Variants in DIP2C observed in about 807,000 individuals in gnomAD.
DIP2C encodes the protein disco-interacting protein 2 homolog C.
Under a neutral mutation model 192.4 loss-of-function variants are expected in DIP2C, and 33 were observed. The observed-to-expected ratio is 0.17, with a 90% confidence interval of 0.13 to 0.23. DIP2C has a LOEUF of 0.23. Ranked by LOEUF, DIP2C falls within the 10% of genes least tolerant of loss-of-function variation. The pLI is 1.00. For synonymous variants in DIP2C, 979 were observed against 864.1 expected, an observed-to-expected ratio of 1.13 and a Z score of -2.33; for missense variants, 1,537 against 2,110.1, an observed-to-expected ratio of 0.73 and a Z score of 5.32.
At position 399,222 on chromosome 10, in the gene DIP2C, G is replaced by T; in HGVS notation, c.1150-3C>A. On this transcript the variant is annotated splice_region_variant and splice_polypyrimidine_tract_variant and intron_variant, in intron 9 of 36. Transcript: ENST00000280886. ...TTGTTGGGGAACACCAGTGCCACCT[G>T]TGGGACAGGCCAGAGCGGGTCAGCA... 6.2e-7 allele frequency: 1 copy of T among 1,613,772 alleles called. No homozygotes were observed. Among genetic ancestry groups the T allele is most frequent in the Non-Finnish European group, 8.5e-7 (1 of 1,179,764 alleles).
rs748231177 is a variant in DIP2C at position 414,852 on chromosome 10, TTGTGTGTGTGTGTGTGTG to T, written c.860-760_860-743del. Among the ~76,000 whole-genome samples the T allele has an allele frequency of 1.1e-3, 107 of 98,870 alleles. 1 individual carries two copies. Among genetic ancestry groups the T allele is most frequent in the African/African-American group, 3.6e-3 (89 of 24,700 alleles). 64.9% of individuals were successfully genotyped at this position (98,870 alleles called of 152,430 possible). On this transcript the variant is annotated intron_variant, in intron 7 of 36. Transcript: ENST00000280886. Reference sequence around the variant, plus strand: ...TATATATATACACACACATATATATTTGTGTGTGTGTGTGTGTGTGTGTGTGTGTGTGTGTGTGTATAT... The same window carrying T: ...TATATATATACACACACATATATATTTGTGTGTGTGTGTGTGTGTGTATAT...
At chr10:683,090 C>G (rs1025596535) in intron 1 of DIP2C, among the ~76,000 whole-genome samples, 1 of 152,212 alleles carries the variant, frequency 6.6e-6, no homozygotes, top group African/African-American at 2.4e-5. Context: ...CCCCGCAGCC[C>G]AAAACCGAAG....
At chr10:477,961 GAGAA>G (rs1343678051) in intron 2 of DIP2C, among the ~76,000 whole-genome samples, 9 of 92,370 alleles carry the variant, frequency 9.7e-5, no homozygotes, top group Admixed American at 1.2e-4. Flanking sequence ...GGAAAGAAAA[GAGAA>G]GGAAGGGAAC....
chr10:380,265 A>AG (rs1450821482), intron 17 of DIP2C, among the ~76,000 whole-genome samples: 39 of 150,838 alleles, frequency 2.6e-4, no homozygotes, highest in African/African-American at 8.9e-4. Flanking sequence ...GTTAACGTGC[A>AG]GAAGAGGCTG....
At chr10:539,725 A>C (rs1412641458) in intron 1 of DIP2C, among the ~76,000 whole-genome samples, 1 of 152,368 alleles carries the variant, frequency 6.6e-6, no homozygotes, top group Admixed American at 6.5e-5. Flanking sequence ...CATTCCAGTA[A>C]GTTTATTGAA....
intron 1 of DIP2C, among the ~76,000 whole-genome samples, chr10:570,942 C>A (rs1487918986): frequency 6.6e-6 from 1 of 152,260 alleles, no homozygotes; most frequent in Non-Finnish European, 1.5e-5. Flanking sequence ...GCTCAACAGA[C>A]GTTATTCTTC....
chr10:292,578 C>T (rs1955544537), intron 32 of DIP2C, among the ~76,000 whole-genome samples: 1 of 152,222 alleles, frequency 6.6e-6, no homozygotes, highest in South Asian at 2.1e-4. Flanking sequence ...GAAGCGACGT[C>T]TCGGAAGGCT....
chr10:435,045 G>A (rs1162947959), intron 4 of DIP2C, among the ~76,000 whole-genome samples: 1 of 152,112 alleles, frequency 6.6e-6, no homozygotes, highest in Non-Finnish European at 1.5e-5. Flanking sequence ...ATTAATCTGA[G>A]GAAATTCAGC....
chr10:421,671 C>G (rs987041373), intron 5 of DIP2C, among the ~76,000 whole-genome samples: 3 of 152,204 alleles, frequency 2.0e-5, no homozygotes, highest in African/African-American at 7.2e-5. Flanking sequence ...TATTACTTTA[C>G]AAACTTTTAC....
chr10:524,108 A>T (rs1846905947), intron 1 of DIP2C, among the ~76,000 whole-genome samples: 1 of 232 alleles, frequency 4.3e-3, no homozygotes, highest in South Asian at 0.071. Flanking sequence ...CCCTTCAGGA[A>T]GGAGTCCCTG....
chr10:574,440 C>T (rs1243041011), intron 1 of DIP2C, among the ~76,000 whole-genome samples: 1 of 152,220 alleles, frequency 6.6e-6, no homozygotes, highest in Non-Finnish European at 1.5e-5. Context: ...AAGCAGAAGA[C>T]AATTCCTCAG....
At chr10:573,026 T>C (rs902738797) in intron 1 of DIP2C, among the ~76,000 whole-genome samples, 3 of 151,556 alleles carry the variant, frequency 2.0e-5, no homozygotes, top group Non-Finnish European at 2.9e-5. Flanking sequence ...TTTCAGCAAA[T>C]AGCATCATCC....
At chr10:494,847 A>T (rs1011535589) in intron 1 of DIP2C, among the ~76,000 whole-genome samples, 6 of 152,338 alleles carry the variant, frequency 3.9e-5, no homozygotes, top group Admixed American at 1.3e-4. Context: ...CCAAAACTAG[A>T]AACAGGACTC....
At chr10:469,909 G>GTA (rs1446259654) in intron 3 of DIP2C, among the ~76,000 whole-genome samples, 1 of 152,190 alleles carries the variant, frequency 6.6e-6, no homozygotes, top group Non-Finnish European at 1.5e-5. Context: ...AAGCCAGGCA[G>GTA]TATTTCAGGT....
At chr10:434,268 A>G (rs1309967988) in intron 4 of DIP2C, among the ~76,000 whole-genome samples, 6 of 151,990 alleles carry the variant, frequency 3.9e-5, no homozygotes, top group Non-Finnish European at 7.4e-5. Context: ...TCCTACCTTC[A>G]CTGTTCCTTC....
At chr10:657,764 T>C (rs1448947887) in intron 1 of DIP2C, among the ~76,000 whole-genome samples, 2 of 146,912 alleles carry the variant, frequency 1.4e-5, no homozygotes, top group African/African-American at 2.5e-5. Context: ...CCACTGGACC[T>C]GACGCTTGAC....
At chr10:536,974 G>A (rs189654994) in intron 1 of DIP2C, among the ~76,000 whole-genome samples, 3 of 152,300 alleles carry the variant, frequency 2.0e-5, no homozygotes, top group Admixed American at 2.0e-4. Context: ...TGTAGTCATA[G>A]AAGATGAACA....
chr10:477,736 A>G (rs925956327), intron 2 of DIP2C, among the ~76,000 whole-genome samples: 2 of 123,832 alleles, frequency 1.6e-5, no homozygotes, highest in Non-Finnish European at 1.8e-5. Context: ...AGAAGGAAAG[A>G]AAGAACGAGA....
chr10:670,382 A>G (rs901026868), intron 1 of DIP2C, among the ~76,000 whole-genome samples: 2 of 152,190 alleles, frequency 1.3e-5, no homozygotes, highest in Admixed American at 6.5e-5. Flanking sequence ...ACACACATGC[A>G]TGTGTACACG....
Sources: gnomAD v4.1 joint callset for allele counts (sites outside exome capture counted in the v4.1 genomes callset) on GRCh38, gnomAD v4.1.1 for gene constraint, MANE v1.5 for transcripts, NCBI Gene and HGNC (gene_info 2026-07-23, HGNC 2026-07-21) for gene names.